The following MYLK4 variants were observed in gnomAD, a reference collection of about 807,000 sequenced individuals.
The protein encoded by MYLK4 is myosin light chain kinase family member 4, also known as caMLCK like.
A neutral mutation model predicts 48.1 loss-of-function variants in MYLK4; 46 were observed. The observed-to-expected ratio is 0.96, with a 90% CI of 0.75 to 1.22. The LOEUF (loss-of-function observed/expected upper bound fraction) is 1.22, where lower values mean the gene tolerates loss of function less well. Among genes scored for constraint, MYLK4 ranks in the 50% most tolerant of loss-of-function variants. MYLK4 has a pLI of 0.00. For synonymous variants in MYLK4, 170 were observed against 180.8 expected, an observed-to-expected ratio of 0.94 and a Z score of 0.48; for missense variants, 451 against 486.1, an observed-to-expected ratio of 0.93 and a Z score of 0.68.
At chr6:2,756,932 A>G in the MYLK4 span, among the ~76,000 whole-genome samples, 3 of 152,238 alleles carry the variant, frequency 2.0e-5, no homozygotes, top group African/African-American at 7.2e-5. Context: ...AATTGGAAGT[A>G]GATTTCAGAG....
chr6:2,682,983 G>A lies in MYLK4; in HGVS notation c.687+38C>T, dbSNP rs770556660. 3 of 1,613,446 alleles carry A rather than the reference G, an allele frequency of 1.9e-6. No individual in the cohort carries two copies. The East Asian group carries it at 6.7e-5, about 36-fold the overall frequency. ...ACAGGGCCCACTGTGCAAGAGCTGGGAAGGGCTTACGTCTCACAGGATACA... is the reference window on the plus strand; with the variant it reads ...ACAGGGCCCACTGTGCAAGAGCTGGAAAGGGCTTACGTCTCACAGGATACA... On this transcript the variant is annotated intron_variant, in intron 7 of 12. Coordinates refer to ENST00000274643, the MANE Select transcript of MYLK4 (RefSeq NM_001012418.5).
Position 2,701,208 on chromosome 6 carries a change from G to A in MYLK4, c.160-8349C>T, listed in dbSNP as rs145215618. ...TAAAACTCTTTGATTTCTTCCCGCC[G>A]CAGACAGTTTTAAGAGCCTTCATTT... is the stretch of plus-strand genomic sequence containing the variant. On this transcript the variant is annotated intron_variant, in intron 2 of 12. Transcript: ENST00000274643. Among the ~76,000 whole-genome samples, 17 of 152,112 alleles carry A rather than the reference G, an allele frequency of 1.1e-4. No homozygotes were observed. The East Asian group carries it at 1.9e-3, about 17-fold the overall frequency.
chr6:2,744,821 A>G (rs1470912423), intron 2 of MYLK4, among the ~76,000 whole-genome samples: 2 of 152,238 alleles, frequency 1.3e-5, no homozygotes, highest in East Asian at 3.8e-4. Flanking sequence ...CAGGTTTTAA[A>G]AAGGAATTAT....
intron 2 of MYLK4, among the ~76,000 whole-genome samples, chr6:2,710,784 C>T (rs1394753753): frequency 6.6e-6 from 1 of 152,194 alleles, no homozygotes; most frequent in Non-Finnish European, 1.5e-5. Context: ...TAAAATTAGA[C>T]ACATGGCTTT....
intron 2 of MYLK4, among the ~76,000 whole-genome samples, chr6:2,693,789 C>T (rs374336639): frequency 1.1e-3 from 152 of 143,662 alleles, no homozygotes; most frequent in African/African-American, 3.9e-3. Context: ...TGGAGTTTCG[C>T]TCTTGTTGCC....
chr6:2,765,800 C>T, the MYLK4 span: 29 of 1,404,402 alleles, frequency 2.1e-5, no homozygotes, highest in Non-Finnish European at 2.5e-5. Flanking sequence ...CGCCGGGGAG[C>T]GGGCCAAGGG....
chr6:2,768,022 T>C, the MYLK4 span, among the ~76,000 whole-genome samples: 2 of 152,218 alleles, frequency 1.3e-5, no homozygotes, highest in Non-Finnish European at 1.5e-5. Context: ...TTAGTACTAA[T>C]AACAACATTC....
intron 2 of MYLK4, among the ~76,000 whole-genome samples, chr6:2,742,636 C>T (rs2113363432): frequency 6.7e-6 from 1 of 149,106 alleles, no homozygotes; most frequent in Admixed American, 6.8e-5. Context: ...CCGAACACCG[C>T]ATGTTCTCAC....
intron 2 of MYLK4, among the ~76,000 whole-genome samples, chr6:2,724,329 A>G (rs1293078401): frequency 6.6e-6 from 1 of 152,126 alleles, no homozygotes; most frequent in African/African-American, 2.4e-5. Context: ...AGGTTCCAAA[A>G]AGGAGTTGTC....
chr6:2,689,944 A>G (rs535732759), intron 3 of MYLK4, among the ~76,000 whole-genome samples: 1 of 151,906 alleles, frequency 6.6e-6, no homozygotes, highest in Non-Finnish European at 1.5e-5. Context: ...GAGCCTAAAT[A>G]TGCTGAAAAC....
At chr6:2,712,464 AG>A (rs1762708121) in intron 2 of MYLK4, among the ~76,000 whole-genome samples, 1 of 152,254 alleles carries the variant, frequency 6.6e-6, no homozygotes, top group Non-Finnish European at 1.5e-5. Flanking sequence ...GTGATGTAAA[AG>A]GTCATCTCTG....
chr6:2,729,678 C>T (rs1318215), intron 2 of MYLK4, among the ~76,000 whole-genome samples: 66,991 of 151,870 alleles, frequency 0.44, 15,648 homozygotes, highest in East Asian at 0.55. Context: ...TGACTTTGAA[C>T]CTCACTGGGG....
At chr6:2,763,437 G>T in the MYLK4 span, among the ~76,000 whole-genome samples, 1 of 152,224 alleles carries the variant, frequency 6.6e-6, no homozygotes, top group African/African-American at 2.4e-5. Context: ...CCAGTTGGGG[G>T]GAGGCTCAGG....
intron 2 of MYLK4, among the ~76,000 whole-genome samples, chr6:2,734,624 A>G (rs1763602471): frequency 6.6e-6 from 1 of 152,174 alleles, no homozygotes; most frequent in African/African-American, 2.4e-5. Flanking sequence ...ATATACACTC[A>G]TACACATATA....
At position 2,678,307 on chromosome 6, in the gene MYLK4, C is replaced by T. The variant is rs35609073; in HGVS notation, c.953G>A (p.Cys318Tyr). The T allele has an allele frequency of 2.3e-3, 3,759 of 1,614,100 alleles. 9 individuals are homozygous for T. Among genetic ancestry groups the T allele is most frequent in the Non-Finnish European group, 2.9e-3 (3,366 of 1,180,016 alleles). Residue 318 changes from cysteine to tyrosine, a missense_variant, in exon 10 of 13, where the codon TGC becomes TAC. Coordinates refer to ENST00000274643, the MANE Select transcript of MYLK4 (RefSeq NM_001012418.5). ...DAETLNNILACRWDLEDEEFQ... is the reference protein window; with the variant it reads ...DAETLNNILAYRWDLEDEEFQ... ...TTCTTCATCCTCTAAGTCCCACCTG[C>T]AGGCCAGGATGTTGTTCAGCGTCTC... is the stretch of plus-strand genomic sequence containing the variant.
At chr6:2,764,818 G>A in the MYLK4 span, among the ~76,000 whole-genome samples, 5 of 152,156 alleles carry the variant, frequency 3.3e-5, no homozygotes, top group African/African-American at 7.2e-5. Flanking sequence ...CTAAAAGGGG[G>A]CGAGGGACGC....
intron 2 of MYLK4, among the ~76,000 whole-genome samples, chr6:2,737,980 G>GA (rs1491404177): frequency 1.5e-5 from 1 of 68,404 alleles, no homozygotes; most frequent in African/African-American, 4.5e-5. Flanking sequence ...CCGGGGGCGG[G>GA]TGGGGGGGGG....
the MYLK4 span, chr6:2,765,612 C>T: frequency 1.0e-5 from 15 of 1,507,190 alleles, no homozygotes; most frequent in South Asian, 1.3e-4. Context: ...CCGGGGAGGG[C>T]GGCGGCCGCC....
chr6:2,763,476 G>A, the MYLK4 span, among the ~76,000 whole-genome samples: 1 of 152,340 alleles, frequency 6.6e-6, no homozygotes, highest in East Asian at 1.9e-4. Flanking sequence ...TGCGCTGCGT[G>A]GAGGCAACTA....
Sources: allele counts gnomAD v4.1 joint callset (sites outside exome capture counted in the v4.1 genomes callset), GRCh38; gene constraint gnomAD v4.1.1; transcripts MANE v1.5; gene names NCBI Gene and HGNC (gene_info 2026-07-23, HGNC 2026-07-21).